The following RSPO4 variants were observed in gnomAD, a reference collection of about 807,000 sequenced individuals.
The protein encoded by RSPO4 is R-spondin-4.
Under a neutral mutation model 24.8 loss-of-function variants are expected in RSPO4, and 23 were observed. That is an observed-to-expected ratio of 0.93 (90% confidence interval 0.67 to 1.31). The LOEUF (loss-of-function observed/expected upper bound fraction) is 1.31. Ranked by LOEUF, RSPO4 falls within the 40% of genes most tolerant of loss-of-function variation. The pLI, the probability that RSPO4 is intolerant of heterozygous loss-of-function variation, is 0.00. For synonymous variants in RSPO4, 141 were observed against 127.4 expected (o/e 1.11, Z -0.72); for missense variants, 333 against 316.5 (o/e 1.05, Z -0.39).
intron 1 of RSPO4, among the ~76,000 whole-genome samples, chr20:988,115 A>C (rs1218330906): frequency 2.0e-5 from 3 of 152,232 alleles, no homozygotes; most frequent in Non-Finnish European, 4.4e-5. Context: ...AGAAGCGGCA[A>C]AGAACGTGGT....
At position 970,751 on chromosome 20, in the gene RSPO4, C is replaced by T. The variant is rs1482805570; in HGVS notation, c.80-2613G>A. 6.6e-6 allele frequency among the ~76,000 whole-genome samples: 1 copy of T among 152,160 alleles called. No individual in the cohort carries two copies. The highest frequency in any genetic ancestry group is 1.5e-5 in the Non-Finnish European group (1 of 68,026). The stretch of plus-strand genomic sequence containing the variant: ...TGAGAGGAAACCTTCGCTTTTTCAC[C>T]TTAGATAGGAGTGTAAACTTCGGGG... On this transcript the variant is annotated intron_variant, in intron 1 of 4. Transcript: ENST00000217260. The surrounding 1 kb of genome is among the most constrained non-coding windows in gnomAD (Gnocchi z 4.1).
At chr20:965,996 G>T (rs913713407) in intron 3 of RSPO4, among the ~76,000 whole-genome samples, 1 of 152,170 alleles carries the variant, frequency 6.6e-6, no homozygotes, top group Middle Eastern at 3.2e-3. Context: ...TGCATCTCGC[G>T]CATGCCACCC....
At chr20:975,701 G>A (rs552369070) in intron 1 of RSPO4, among the ~76,000 whole-genome samples, 45 of 152,242 alleles carry the variant, frequency 3.0e-4, no homozygotes, top group African/African-American at 1.0e-3. Context: ...TTCATTCATC[G>A]ACCCATTCAT....
intron 1 of RSPO4, among the ~76,000 whole-genome samples, chr20:1,000,255 T>C (rs188428712): frequency 1.3e-5 from 2 of 152,288 alleles, no homozygotes; most frequent in African/African-American, 4.8e-5. Flanking sequence ...CAGCATTATG[T>C]CAGGCAGATT....
intron 3 of RSPO4, among the ~76,000 whole-genome samples, chr20:966,452 T>TC (rs58112795): frequency 1.5e-5 from 2 of 135,296 alleles, no homozygotes; most frequent in Non-Finnish European, 3.3e-5. Context: ...TTCTATTGTC[T>TC]TTTTTTTTTT....
Position 960,447 on chromosome 20 carries a change from C to T in RSPO4, c.615G>A (p.Lys205=), listed in dbSNP as rs1206669379. The T allele has an allele frequency of 1.3e-6, 2 of 1,539,506 alleles. No homozygotes were observed. The highest frequency in any genetic ancestry group is 2.4e-5 in the South Asian group (2 of 84,098). The change falls in exon 5 of 5, where the codon AAG becomes AAA. Residue 205 remains lysine, a synonymous_variant. Coordinates refer to ENST00000217260, the MANE Select transcript of RSPO4 (RefSeq NM_001029871.4). ...GTGGGCGCCGGTCCTTCCTGCCCTT[C>T]TTCTGGCCGGGGCTCCTCTCTGCAA... ...PCPGERSPGQ[K]KGRKDRRPRK... is the part of the protein sequence containing the mutation.
At chr20:964,812 A>C (rs1984139952) in intron 3 of RSPO4, among the ~76,000 whole-genome samples, 1 of 75,812 alleles carries the variant, frequency 1.3e-5, no homozygotes, top group African/African-American at 3.9e-5. Flanking sequence ...ACATACACAC[A>C]CACACACACA....
intron 1 of RSPO4, among the ~76,000 whole-genome samples, chr20:977,468 G>A (rs763910224): frequency 2.0e-5 from 3 of 152,148 alleles, no homozygotes; most frequent in Non-Finnish European, 2.9e-5. Context: ...TGTGCTGTGG[G>A]GGCCTGGCAG....
intron 1 of RSPO4, among the ~76,000 whole-genome samples, chr20:977,075 T>G (rs1984588896): frequency 6.6e-6 from 1 of 152,188 alleles, no homozygotes; most frequent in Admixed American, 6.6e-5. Context: ...AGCTACATCT[T>G]AACACCCACT....
intron 1 of RSPO4, among the ~76,000 whole-genome samples, chr20:984,405 A>C (rs1984836575): frequency 6.6e-6 from 1 of 152,188 alleles, no homozygotes; most frequent in Admixed American, 6.5e-5. Flanking sequence ...CCCCACTGCC[A>C]GTGAGCATCA....
At chr20:964,520 G>A (rs945871289) in intron 3 of RSPO4, among the ~76,000 whole-genome samples, 5 of 151,936 alleles carry the variant, frequency 3.3e-5, no homozygotes, top group Non-Finnish European at 5.9e-5. Flanking sequence ...TCAGGAAGGC[G>A]GGGACAGGAG....
chr20:963,299 A>T (rs1259163491), intron 4 of RSPO4, among the ~76,000 whole-genome samples: 1 of 152,156 alleles, frequency 6.6e-6, no homozygotes, highest in East Asian at 1.9e-4. Flanking sequence ...TGTTTGACTC[A>T]TGAATACCAA....
Position 967,991 on chromosome 20 carries a change from C to T in RSPO4, c.227G>A (p.Gly76Glu). 1.9e-6 allele frequency: 3 copies of T among 1,614,256 alleles called. No individual in the cohort carries two copies. Among genetic ancestry groups the T allele is most frequent in the Non-Finnish European group, 2.5e-6 (3 of 1,180,044 alleles). Residue 76 changes from glycine (G) to glutamate (E), a missense_variant, in exon 2 of 5, where the codon GGG (glycine) becomes GAG (glutamate). By Grantham distance (98) the Gly-to-Glu change is moderately conservative (BLOSUM62 -2). Transcript: ENST00000217260. ...CTCCTGGCCGCGGATGCCGAAGTAC[C>T]CAGGGGGACAGTCGTGCAGGCACTT... ...YGKCLHDCPPGYFGIRGQEVN... is the reference protein window; with the variant it reads ...YGKCLHDCPPEYFGIRGQEVN...
chr20:1,002,057 C>A lies in RSPO4; in HGVS notation c.79+29G>T. 1 of 1,538,330 alleles carries A rather than the reference C, an allele frequency of 6.5e-7. No homozygotes were observed. The highest frequency in any genetic ancestry group is 2.5e-5 in the East Asian group (1 of 40,632). On this transcript the variant is annotated intron_variant, in intron 1 of 4. Transcript: ENST00000217260. This position sits in a 1 kb window ranked among gnomAD's most constrained non-coding sequence, Gnocchi z 4.6. ...CCCGGTCTGCCCCGCAGCGCCTGCC[C>A]GGCCGCCCTGCCCAGCCACCCCTTG...
intron 4 of RSPO4, among the ~76,000 whole-genome samples, chr20:961,081 G>A (rs567204): frequency 6.6e-6 from 1 of 152,304 alleles, no homozygotes; most frequent in East Asian, 1.9e-4. Flanking sequence ...TCTGTGCCAG[G>A]CTACCTTTCC....
chr20:960,532 C>T lies in RSPO4; in HGVS notation c.596-66G>A, dbSNP rs949643224. On this transcript the variant is annotated intron_variant, in intron 4 of 4. Transcript: ENST00000217260. Reference sequence around the variant, plus strand: ...GCCAGTTAGGTCCTGGGAGCCTCCTCAGTCCTGAAAGACAAGGGTGCCCCA... The same window carrying T: ...GCCAGTTAGGTCCTGGGAGCCTCCTTAGTCCTGAAAGACAAGGGTGCCCCA... 1.6e-4 allele frequency: 199 copies of T among 1,240,628 alleles called. 3 individuals carry two copies. In the East Asian group the frequency reaches 5.0e-3, roughly 31 times the overall value. 76.9% of individuals were successfully genotyped at this position (1,240,628 alleles called of 1,614,324 possible).
chr20:984,086 C>T (rs1440436399), intron 1 of RSPO4, among the ~76,000 whole-genome samples: 1 of 152,076 alleles, frequency 6.6e-6, no homozygotes, highest in Non-Finnish European at 1.5e-5. Flanking sequence ...ACCTGTAATC[C>T]CAGCACTTTG....
intron 1 of RSPO4, among the ~76,000 whole-genome samples, chr20:986,476 C>T (rs926667526): frequency 6.6e-6 from 1 of 151,996 alleles, no homozygotes; most frequent in African/African-American, 2.4e-5. Context: ...GAGTCAGAAG[C>T]TGAGTCAGGC....
intron 1 of RSPO4, among the ~76,000 whole-genome samples, chr20:974,984 C>T (rs190260703): frequency 6.4e-4 from 98 of 152,284 alleles, no homozygotes; most frequent in South Asian, 5.0e-3. Flanking sequence ...CAGAACCTCA[C>T]GGGCTCCTTG....
Sources: allele counts gnomAD v4.1 joint callset (sites outside exome capture counted in the v4.1 genomes callset), GRCh38; gene constraint gnomAD v4.1.1; non-coding constraint Gnocchi (gnomAD v3.1); transcripts MANE v1.5; gene names NCBI Gene and HGNC (gene_info 2026-07-23, HGNC 2026-07-21).